RASGRP3: variants seen among roughly 807,000 people sequenced by gnomAD.
RASGRP3 encodes ras guanyl-releasing protein 3.
RASGRP3 carries 54 observed loss-of-function variants against 82.7 expected under a neutral mutation model. The ratio of observed to expected loss-of-function variants is 0.65; its 90% CI spans 0.52 to 0.82. The LOEUF is 0.82. Ranked by LOEUF, RASGRP3 falls within the 40% of genes least tolerant of loss-of-function variation. RASGRP3 has a pLI of 0.00. For synonymous variants in RASGRP3, 309 were observed against 300.5 expected, an observed-to-expected ratio of 1.03 and a Z score of -0.29; for missense variants, 861 against 828.9, an observed-to-expected ratio of 1.04 and a Z score of -0.48.
intron 2 of RASGRP3, chr2:33,513,787 T>C (rs1671164251): frequency 6.6e-6 from 1 of 152,216 alleles, no homozygotes; most frequent in African/African-American, 2.4e-5. Flanking sequence ...TGCTGGCAAG[T>C]GGGATAGCTC....
chr2:33,478,247 A>G (rs2150929609), intron 1 of RASGRP3, among the ~76,000 whole-genome samples: 1 of 152,288 alleles, frequency 6.6e-6, no homozygotes, highest in East Asian at 1.9e-4. Context: ...TCAAATGTAG[A>G]AGAATCCACA....
chr2:33,528,439 G>T (rs563651238), intron 10 of RASGRP3, among the ~76,000 whole-genome samples: 17 of 152,294 alleles, frequency 1.1e-4, no homozygotes, highest in Admixed American at 2.0e-4. Flanking sequence ...CTGCTTTGTG[G>T]GAAGAAGAGG....
intron 4 of RASGRP3, among the ~76,000 whole-genome samples, chr2:33,519,342 C>A (rs772097161): frequency 6.6e-6 from 1 of 152,126 alleles, no homozygotes; most frequent in Non-Finnish European, 1.5e-5. Context: ...CTCGGCCAGG[C>A]GCGGTGGCTC....
At chr2:33,477,777 A>T (rs1306707320) in intron 1 of RASGRP3, among the ~76,000 whole-genome samples, 1 of 152,198 alleles carries the variant, frequency 6.6e-6, no homozygotes, top group African/African-American at 2.4e-5. Context: ...TGAAAGTGAC[A>T]GGTCTTTGAA....
In RASGRP3 at chr2:33,539,018, G is replaced by A. The variant is rs1320644451; in HGVS notation, c.1162-76G>A. On this transcript the variant is annotated intron_variant, in intron 11 of 17. Transcript: ENST00000403687. Reference sequence around the variant, plus strand: ...TACACCACTGCACTCCAGCCTGGGCGACAGAACCAGACCCTGTCTCAAAAT... The same window carrying A: ...TACACCACTGCACTCCAGCCTGGGCAACAGAACCAGACCCTGTCTCAAAAT... 11 of 1,080,792 alleles carry A rather than the reference G, an allele frequency of 1.0e-5. No individual in the cohort carries two copies. In the Admixed American group the frequency reaches 1.9e-4, roughly 19 times the overall value. The allele number at this position is 1,080,792 out of a possible 1,614,324, so 67.0% of individuals were successfully genotyped here.
At position 33,471,457 on chromosome 2, in the gene RASGRP3, C is replaced by T. The variant is rs1269344785; in HGVS notation, c.-261+23514C>T. 4.7e-5 allele frequency among the ~76,000 whole-genome samples: 7 copies of T among 150,080 alleles called. No individual in the cohort carries two copies. In the East Asian group the frequency reaches 1.2e-3, roughly 25 times the overall value. ...TTGGCCTCCCAAAGCACTGGGGTTA[C>T]AGGGGTGAGCCACTATTCCCAGCCT... On this transcript the variant is annotated intron_variant, in intron 2 of 18. Coordinates refer to the RASGRP3 transcript ENST00000402538.
chr2:33,501,855 A>T (rs2150981652), intron 1 of RASGRP3, among the ~76,000 whole-genome samples: 1 of 152,326 alleles, frequency 6.6e-6, no homozygotes, highest in Non-Finnish European at 1.5e-5. Flanking sequence ...CAGGAAAACC[A>T]ACCAAAAGGA....
chr2:33,464,810 T>G (rs1002092655), intron 2 of RASGRP3, among the ~76,000 whole-genome samples: 3 of 152,186 alleles, frequency 2.0e-5, no homozygotes, highest in African/African-American at 4.8e-5. Context: ...GTAAGTGTTT[T>G]GGGGCATTCC....
intron 1 of RASGRP3, among the ~76,000 whole-genome samples, chr2:33,492,661 T>C (rs1204883795): frequency 6.6e-6 from 1 of 152,182 alleles, no homozygotes; most frequent in East Asian, 1.9e-4. Flanking sequence ...AAGGTGGCCA[T>C]CTGCAAGCCA....
At chr2:33,497,583 A>G (rs1027168544) in intron 1 of RASGRP3, among the ~76,000 whole-genome samples, 1 of 152,250 alleles carries the variant, frequency 6.6e-6, no homozygotes, top group Non-Finnish European at 1.5e-5. Flanking sequence ...ACAGAAGAAT[A>G]AATGCAATGT....
chr2:33,495,150 C>T (rs773074822), intron 1 of RASGRP3, among the ~76,000 whole-genome samples: 1 of 152,174 alleles, frequency 6.6e-6, no homozygotes, highest in Non-Finnish European at 1.5e-5. Flanking sequence ...CAGTAGGTAG[C>T]CCAGTGAGTC....
At chr2:33,485,765 T>C (rs1464678781) in intron 1 of RASGRP3, among the ~76,000 whole-genome samples, 2 of 152,256 alleles carry the variant, frequency 1.3e-5, no homozygotes, top group East Asian at 3.8e-4. Context: ...TTTATGTTTT[T>C]AGAAGGAATA....
intron 1 of RASGRP3, among the ~76,000 whole-genome samples, chr2:33,442,144 A>G (rs1465044299): frequency 6.6e-6 from 1 of 152,244 alleles, no homozygotes; most frequent in Non-Finnish European, 1.5e-5. Context: ...GTCATACACC[A>G]ACTGTTAACA....
intron 7 of RASGRP3, 62 bp downstream of exon 7, chr2:33,522,164 C>G: frequency 6.5e-7 from 1 of 1,534,922 alleles, no homozygotes; most frequent in Non-Finnish European, 8.8e-7. Context: ...TTCCCAAGAG[C>G]TGCATTTTCA....
At chr2:33,508,345 A>G (rs1212543958) in intron 1 of RASGRP3, among the ~76,000 whole-genome samples, 3 of 152,202 alleles carry the variant, frequency 2.0e-5, no homozygotes, top group Non-Finnish European at 4.4e-5. Flanking sequence ...TTTAAGTGCT[A>G]AGAATTAGCA....
chr2:33,509,943 C>T (rs1447061781), intron 1 of RASGRP3, among the ~76,000 whole-genome samples: 1 of 152,138 alleles, frequency 6.6e-6, no homozygotes, highest in Non-Finnish European at 1.5e-5. Context: ...AATATAATCA[C>T]AGCACTTTAA....
At chr2:33,468,757 A>T (rs1179239797) in intron 2 of RASGRP3, among the ~76,000 whole-genome samples, 1 of 152,152 alleles carries the variant, frequency 6.6e-6, no homozygotes, top group East Asian at 1.9e-4. Context: ...GTTCTAATTT[A>T]TTCAACTACT....
chr2:33,520,080 T>C, intron 5 of RASGRP3, 66 bp downstream of exon 5: 1 of 1,327,954 alleles, frequency 7.5e-7, no homozygotes, highest in Non-Finnish European at 1.1e-6. Flanking sequence ...AATTTCCTTT[T>C]CCCCAAGCTG....
chr2:33,533,513 A>G (rs541130327), intron 10 of RASGRP3: 2 of 152,350 alleles, frequency 1.3e-5, no homozygotes, highest in Non-Finnish European at 2.9e-5. Context: ...AATACTTTAC[A>G]TGCATTATTT....
Sources: allele counts gnomAD v4.1 joint callset (sites outside exome capture counted in the v4.1 genomes callset), GRCh38; gene constraint gnomAD v4.1.1; transcripts MANE v1.5; gene names NCBI Gene and HGNC (gene_info 2026-07-23, HGNC 2026-07-21).